The following PCDH15 variants were observed in gnomAD, a reference collection of about 807,000 sequenced individuals.
PCDH15 encodes the protein protocadherin related 15.
A neutral mutation model predicts 178.5 loss-of-function variants in PCDH15; 129 were observed. That is an observed-to-expected ratio of 0.72 (90% CI 0.63 to 0.84). The LOEUF is 0.84. PCDH15 is among the 40% of genes least tolerant of loss of function. The pLI is 0.00. For missense variants in PCDH15, 2,230 were observed against 2,099.9 expected, an observed-to-expected ratio of 1.06 and a Z score of -1.21; for synonymous variants, 800 against 732.0, an observed-to-expected ratio of 1.09 and a Z score of -1.50.
chr10:55,098,714 T>C (rs562649007), intron 2 of PCDH15, among the ~76,000 whole-genome samples: 149 of 152,172 alleles, frequency 9.8e-4, no homozygotes, highest in African/African-American at 3.4e-3. Context: ...TGGAACCAAT[T>C]TGCGGGCTCT....
intron 2 of PCDH15, among the ~76,000 whole-genome samples, chr10:55,368,670 A>G (rs1265113632): frequency 3.3e-5 from 5 of 152,122 alleles, no homozygotes; most frequent in Non-Finnish European, 7.4e-5. Flanking sequence ...GAATAATGCC[A>G]TATCTACACA....
intron 13 of PCDH15, among the ~76,000 whole-genome samples, chr10:54,162,162 T>C (rs2045778812): frequency 6.6e-6 from 1 of 152,162 alleles, no homozygotes. Context: ...ATGTATTGTT[T>C]CATCATTTGA....
At chr10:54,196,243 C>T (rs1440511851) in intron 10 of PCDH15, among the ~76,000 whole-genome samples, 5 of 152,068 alleles carry the variant, frequency 3.3e-5, no homozygotes, top group Non-Finnish European at 2.9e-5. Flanking sequence ...CCTGAGTTCA[C>T]GCCATTCTCC....
intron 3 of PCDH15, among the ~76,000 whole-genome samples, chr10:54,842,927 T>TA: frequency 1.3e-5 from 2 of 151,828 alleles, no homozygotes; most frequent in East Asian, 3.9e-4. Context: ...GGGAGGAAAA[T>TA]AAAAAGAAAT....
chr10:54,134,770 A>G (rs2042755833), intron 14 of PCDH15, among the ~76,000 whole-genome samples: 1 of 151,660 alleles, frequency 6.6e-6, no homozygotes, highest in East Asian at 2.0e-4. Flanking sequence ...GAAAAAAAAA[A>G]AAAAGAAATT....
chr10:55,217,736 A>T (rs1298302682), intron 1 of PCDH15, among the ~76,000 whole-genome samples: 5 of 151,996 alleles, frequency 3.3e-5, no homozygotes, highest in Admixed American at 6.6e-5. Flanking sequence ...AAAGAAAAAA[A>T]AACTGCTAGC....
intron 23 of PCDH15, among the ~76,000 whole-genome samples, chr10:53,945,947 T>C (rs2086536431): frequency 1.3e-5 from 2 of 149,998 alleles, no homozygotes; most frequent in South Asian, 4.2e-4. Flanking sequence ...CTATTATAAA[T>C]AATGCTGCAA....
chr10:55,544,135 C>CATATATAT lies in PCDH15; in HGVS notation c.-156+83489_-156+83490insATATATAT, dbSNP rs776630410. The stretch of plus-strand genomic sequence containing the variant: ...GCTCCAGTTTTCCTCAAATCTTATA[C>CATATATAT]ATACATATATATATATATATATATA... On this transcript the variant is annotated intron_variant, in intron 2 of 5. Coordinates refer to the PCDH15 transcript ENST00000613346. 2.4e-3 allele frequency among the ~76,000 whole-genome samples: 226 copies of CATATATAT among 96,110 alleles called. 2 individuals carry two copies. The highest frequency in any genetic ancestry group is 4.9e-3 in the East Asian group (18 of 3,650). The allele number at this position is 96,110 out of a possible 152,430, so 63.1% of individuals were successfully genotyped here.
chr10:54,263,110 G>C (rs1464147766), intron 8 of PCDH15, among the ~76,000 whole-genome samples: 2 of 152,178 alleles, frequency 1.3e-5, no homozygotes, highest in African/African-American at 4.8e-5. Context: ...TGTGTTTTGA[G>C]ACAGTACAAC....
intron 2 of PCDH15, among the ~76,000 whole-genome samples, chr10:54,593,768 A>G (rs1053709870): frequency 3.9e-5 from 6 of 152,114 alleles, no homozygotes; most frequent in African/African-American, 1.2e-4. Context: ...TTTGGCTAGC[A>G]TGGCTACTAA....
chr10:55,092,517 T>C lies in PCDH15; in HGVS notation c.-80+74059A>G, dbSNP rs186922050. ...ATATATGTCATATTTAGAAAGGCAC[T>C]TTAATTAATATTGTTAATATTAATA... On this transcript the variant is annotated intron_variant, in intron 2 of 5. Coordinates refer to the PCDH15 transcript ENST00000458638. Among the ~76,000 whole-genome samples, 12 of 152,056 alleles carry C rather than the reference T, an allele frequency of 7.9e-5. No individual in the cohort carries two copies. The East Asian group carries it at 1.7e-3, about 22-fold the overall frequency.
intron 2 of PCDH15, among the ~76,000 whole-genome samples, chr10:54,933,965 T>C (rs2131855877): frequency 6.6e-6 from 1 of 152,268 alleles, no homozygotes; most frequent in South Asian, 2.1e-4. Flanking sequence ...GTTATTTGCA[T>C]TCTTGCTTCG....
intron 1 of PCDH15, among the ~76,000 whole-genome samples, chr10:55,231,041 T>G (rs928893672): frequency 6.6e-6 from 1 of 151,940 alleles, no homozygotes; most frequent in African/African-American, 2.4e-5. Context: ...ACTTAAAGAA[T>G]TACATATAAT....
intron 2 of PCDH15, among the ~76,000 whole-genome samples, chr10:55,099,518 T>C (rs1030778499): frequency 6.6e-6 from 1 of 152,124 alleles, no homozygotes; most frequent in African/African-American, 2.4e-5. Context: ...AATCATCTGA[T>C]AAAATATGTT....
intron 2 of PCDH15, among the ~76,000 whole-genome samples, chr10:54,927,512 C>G (rs1837662312): frequency 6.6e-6 from 1 of 151,980 alleles, no homozygotes; most frequent in African/African-American, 2.4e-5. Context: ...CCTTGATGAT[C>G]TGTCTAAAAC....
chr10:54,490,776 T>C (rs1460969514), intron 3 of PCDH15, among the ~76,000 whole-genome samples: 1 of 152,190 alleles, frequency 6.6e-6, no homozygotes, highest in Admixed American at 6.6e-5. Flanking sequence ...TATGTAGGGC[T>C]TTTTGTCAAT....
chr10:55,135,108 C>G (rs1475421397), intron 2 of PCDH15, among the ~76,000 whole-genome samples: 1 of 152,054 alleles, frequency 6.6e-6, no homozygotes, highest in Non-Finnish European at 1.5e-5. Context: ...TATTAAACAA[C>G]CATTGAGTTT....
At chr10:54,592,060 T>A (rs1231211311) in intron 2 of PCDH15, among the ~76,000 whole-genome samples, 1 of 152,146 alleles carries the variant, frequency 6.6e-6, no homozygotes, top group Non-Finnish European at 1.5e-5. Context: ...GCAAATATCA[T>A]AGCAGCATCT....
At chr10:55,411,372 A>G (rs915941401) in intron 2 of PCDH15, among the ~76,000 whole-genome samples, 5 of 152,112 alleles carry the variant, frequency 3.3e-5, no homozygotes, top group Non-Finnish European at 7.4e-5. Context: ...AAAATTAACA[A>G]ATATTATTAC....
Sources: allele counts gnomAD v4.1 joint callset (sites outside exome capture counted in the v4.1 genomes callset), GRCh38; gene constraint gnomAD v4.1.1; transcripts MANE v1.5; gene names NCBI Gene and HGNC (gene_info 2026-07-23, HGNC 2026-07-21).